Variants in EML6 observed in about 807,000 individuals in gnomAD.
The protein encoded by EML6 is EMAP like 6.
EML6 carries 154 observed loss-of-function variants against 240.1 expected under a neutral mutation model. The observed-to-expected ratio is 0.64, with a 90% CI of 0.56 to 0.73. EML6 has a LOEUF of 0.73. Ranked by LOEUF, EML6 falls within the 30% of genes least tolerant of loss-of-function variation. The pLI is 0.00. For missense variants in EML6, 2,964 were observed against 2,474.6 expected (o/e 1.20, Z -4.20); for synonymous variants, 1,148 against 899.0 (o/e 1.28, Z -4.95).
At chr2:54,826,396 T>C (rs1055204023) in intron 5 of EML6, among the ~76,000 whole-genome samples, 3 of 152,150 alleles carry the variant, frequency 2.0e-5, no homozygotes, top group Admixed American at 2.0e-4. Flanking sequence ...GTCAGGAGTT[T>C]AAGACCAGCC....
Position 54,903,183 on chromosome 2 carries a change from T to G in EML6, c.3264T>G (p.Ile1088Met), listed in dbSNP as rs1469692071. 13 of 1,551,936 alleles carry G rather than the reference T, an allele frequency of 8.4e-6. 1 individual carries two copies. In the South Asian group the frequency reaches 1.5e-4, roughly 18 times the overall value. ...ACAGAAAAGAAATGATCTCTGATAT[T>G]AAGTTTTCAAAAGGTGAAGATGACA... ...FHHRKEMISD[I>M]KFSKDTGKYL... Residue 1088 changes from isoleucine to methionine, a missense_variant, in exon 23 of 42, where the codon ATT becomes ATG. Transcript: ENST00000356458.
At chr2:54,918,333 A>G (rs1330324145) in intron 26 of EML6, among the ~76,000 whole-genome samples, 1 of 152,030 alleles carries the variant, frequency 6.6e-6, no homozygotes, top group Non-Finnish European at 1.5e-5. Context: ...TTTACATTCC[A>G]TTTATTTATT....
chr2:54,788,666 T>C (rs1181676150), intron 2 of EML6, among the ~76,000 whole-genome samples: 3 of 152,242 alleles, frequency 2.0e-5, no homozygotes, highest in Non-Finnish European at 4.4e-5. Flanking sequence ...TATTAACTTG[T>C]CTAATAGAAT....
At position 54,964,635 on chromosome 2, in the gene EML6, C is replaced by G. The variant is rs1398648177; in HGVS notation, c.5395C>G (p.Leu1799Val). The G allele has an allele frequency of 1.0e-5, 16 of 1,552,282 alleles. No individual in the cohort carries two copies. Among genetic ancestry groups the G allele is most frequent in the Non-Finnish European group, 1.2e-5 (14 of 1,147,134 alleles). Residue 1799 changes from leucine (L) to valine (V), a missense_variant, in exon 38 of 42, where the codon CTC becomes GTC. Coordinates refer to ENST00000356458, the MANE Select transcript of EML6 (RefSeq NM_001039753.4). ...SSEHTVDFYD[L>V]TQGTNLNRIG... ...TGAACACACAGTTGACTTCTATGAC[C>G]TCACTCAGGGCACAAATCTGAACCG...
At chr2:54,799,035 T>G (rs1274563219) in intron 2 of EML6, among the ~76,000 whole-genome samples, 1 of 152,188 alleles carries the variant, frequency 6.6e-6, no homozygotes, top group Non-Finnish European at 1.5e-5. Context: ...ATGATTGTAT[T>G]TTTTTTCTGC....
chr2:54,852,315 T>C (rs1670134550), intron 10 of EML6, among the ~76,000 whole-genome samples: 1 of 152,256 alleles, frequency 6.6e-6, no homozygotes, highest in Non-Finnish European at 1.5e-5. Flanking sequence ...CTCTGCCTTA[T>C]CAAATTCTTC....
At chr2:54,790,899 G>T (rs1372719811) in intron 2 of EML6, among the ~76,000 whole-genome samples, 2 of 151,276 alleles carry the variant, frequency 1.3e-5, no homozygotes, top group African/African-American at 2.4e-5. Context: ...CTAATTTTTT[G>T]TATTTTTAGT....
At position 54,960,300 on chromosome 2, in the gene EML6, T is replaced by C. The variant is rs1294163429; in HGVS notation, c.4934T>C (p.Leu1645Pro). The C allele has an allele frequency of 1.3e-6, 2 of 1,551,226 alleles. No individual in the cohort carries two copies. The highest frequency in any genetic ancestry group is 2.4e-5 in the East Asian group (1 of 40,920). Residue 1645 changes from leucine to proline, a missense_variant, in exon 35 of 42, where the codon CTG becomes CCG. Leu to Pro is a moderately conservative substitution (Grantham distance 98). Coordinates refer to ENST00000356458, the MANE Select transcript of EML6 (RefSeq NM_001039753.4). ...GCCTTTCAGCTGGAGACCGGGCAGC[T>C]GGTGGAGTGTGTGCGCTCCGTGTGC... ...CRAFQLETGQ[L>P]VECVRSVCRG... is the part of the protein sequence containing the mutation.
chr2:54,925,476 G>A (rs1033628474), intron 26 of EML6, among the ~76,000 whole-genome samples: 1 of 152,126 alleles, frequency 6.6e-6, no homozygotes, highest in Non-Finnish European at 1.5e-5. Flanking sequence ...AGAGCTCTGT[G>A]TCCAAAATTC....
At chr2:54,913,701 C>T (rs906712991) in intron 25 of EML6, among the ~76,000 whole-genome samples, 4 of 152,116 alleles carry the variant, frequency 2.6e-5, no homozygotes, top group African/African-American at 9.7e-5. Flanking sequence ...GTTACAATTG[C>T]TTTTGAGGAC....
chr2:54,904,581 G>A (rs1378076912), intron 24 of EML6, among the ~76,000 whole-genome samples: 2 of 152,192 alleles, frequency 1.3e-5, no homozygotes, highest in African/African-American at 2.4e-5. Flanking sequence ...TATGGCATAT[G>A]AAGAGTGAAG....
At position 54,724,137 on chromosome 2, in the gene EML6, C is replaced by G. The variant is rs910677197; in HGVS notation, c.-514+360C>G. 6.6e-6 allele frequency among the ~76,000 whole-genome samples: 1 copy of G among 152,036 alleles called. No individual in the cohort carries two copies. Among genetic ancestry groups the G allele is most frequent in the South Asian group, 2.1e-4 (1 of 4,814 alleles). The stretch of plus-strand genomic sequence containing the variant: ...ACTCCCTCCGACTGCACTAGTGCCT[C>G]GTTTCTTCCGAGTAAGACAATCTTT... On this transcript the variant is annotated intron_variant, in intron 1 of 41. Transcript: ENST00000356458. The surrounding 1 kb of genome is among the most constrained non-coding windows in gnomAD (Gnocchi z 5.2).
Position 54,850,227 on chromosome 2 carries a change from T to C in EML6, c.1444+9T>C, listed in dbSNP as rs1670000156. On this transcript the variant is annotated intron_variant, in intron 10 of 41. Coordinates refer to ENST00000356458, the MANE Select transcript of EML6 (RefSeq NM_001039753.4). ...GTTCTACAGAATGCCATGTAAGTCA[T>C]GTGGAGGCCTTGGATGTTTCTGGAA... The C allele has an allele frequency of 6.5e-7, 1 of 1,549,314 alleles. No individual in the cohort carries two copies. The highest frequency in any genetic ancestry group is 8.7e-7 in the Non-Finnish European group (1 of 1,145,042).
At position 54,971,570 on chromosome 2, in the gene EML6, GA is replaced by G. The variant is rs1677014159; in HGVS notation, c.*1476del. 1 of 152,314 alleles carries G rather than the reference GA, an allele frequency of 6.6e-6. No homozygotes were observed. Among genetic ancestry groups the G allele is most frequent in the East Asian group, 1.9e-4 (1 of 5,192 alleles). 9.4% of individuals were successfully genotyped at this position (152,314 alleles called of 1,614,324 possible). A position where few individuals can be genotyped will look rare whatever the true frequency, so the allele number is the denominator to read the frequency against. On this transcript the variant is annotated 3_prime_UTR_variant, in exon 42 of 42. Transcript: ENST00000356458. The stretch of plus-strand genomic sequence containing the variant: ...GTGCTTCAGCATTCTAAATGGATTA[GA>G]TCACTCATTAAGCTATTTTTATATG...
At chr2:54,764,498 C>T (rs1323670988) in intron 2 of EML6, among the ~76,000 whole-genome samples, 2 of 152,184 alleles carry the variant, frequency 1.3e-5, no homozygotes, top group Admixed American at 6.5e-5. Context: ...GGTGCATTAA[C>T]TTTAAATTGC....
Position 54,912,672 on chromosome 2 carries a change from T to C in EML6, c.3498+1630T>C, listed in dbSNP as rs1673704019. On this transcript the variant is annotated intron_variant, in intron 25 of 41. Transcript: ENST00000356458. ...AGAACATGTGGTATTTGGTATTCTG[T>C]TCCTGCGTTAATTCTCTTAATATAA... Among the ~76,000 whole-genome samples, 4 of 152,224 alleles carry C rather than the reference T, an allele frequency of 2.6e-5. 1 individual carries two copies. In the South Asian group the frequency reaches 8.3e-4, roughly 32 times the overall value.
At position 54,871,980 on chromosome 2, in the gene EML6, A is replaced by G. The variant is rs373323942; in HGVS notation, c.2344+375A>G. Among the ~76,000 whole-genome samples the G allele has an allele frequency of 3.3e-5, 5 of 152,210 alleles. No homozygotes were observed. The South Asian group carries it at 1.0e-3, about 32-fold the overall frequency. On this transcript the variant is annotated intron_variant, in intron 16 of 41. Transcript: ENST00000356458. Reference sequence around the variant, plus strand: ...TGTCTGGCAGTGACTCAGAACATCAATTTCATCTCTCCAAATAAGTGGGAG... The same window carrying G: ...TGTCTGGCAGTGACTCAGAACATCAGTTTCATCTCTCCAAATAAGTGGGAG...
At chr2:54,943,552 A>T (rs1229037068) in intron 28 of EML6, among the ~76,000 whole-genome samples, 1 of 151,962 alleles carries the variant, frequency 6.6e-6, no homozygotes. Flanking sequence ...TTCATTCTCT[A>T]TCCTATCTCA....
intron 28 of EML6, among the ~76,000 whole-genome samples, chr2:54,940,750 A>G (rs1675388465): frequency 6.6e-6 from 1 of 152,218 alleles, no homozygotes; most frequent in African/African-American, 2.4e-5. Flanking sequence ...CTGATGTAGA[A>G]TCCAGGGTGC....
Sources: allele counts gnomAD v4.1 joint callset (sites outside exome capture counted in the v4.1 genomes callset), GRCh38; gene constraint gnomAD v4.1.1; non-coding constraint Gnocchi (gnomAD v3.1); transcripts MANE v1.5; gene names NCBI Gene and HGNC (gene_info 2026-07-23, HGNC 2026-07-21).